Variants in WWC2 observed in about 807,000 individuals in gnomAD.
The protein encoded by WWC2 is WW and C2 domain containing 2, also known as protein WWC2.
In WWC2, 101 loss-of-function variants were observed where a neutral mutation model predicts 138.5. That is an observed-to-expected ratio of 0.73 (90% CI 0.62 to 0.86). The LOEUF (loss-of-function observed/expected upper bound fraction) is 0.86. Ranked by LOEUF, WWC2 falls within the 40% of genes least tolerant of loss-of-function variation. The probability of loss-of-function intolerance (pLI) is 0.00; values close to 1 mark genes in which losing one functional copy is unlikely to be tolerated. For synonymous variants in WWC2, 558 were observed against 538.4 expected, an observed-to-expected ratio of 1.04 and a Z score of -0.50; for missense variants, 1,420 against 1,419.4, an observed-to-expected ratio of 1.00 and a Z score of -0.01.
At chr4:183,225,694 A>C (rs1736048492) in intron 4 of WWC2, among the ~76,000 whole-genome samples, 1 of 152,244 alleles carries the variant, frequency 6.6e-6, no homozygotes, top group South Asian at 2.1e-4. Flanking sequence ...TTATTTATTT[A>C]GTGCTTCATG....
At chr4:183,185,728 A>ATG (rs1491410212) in intron 1 of WWC2, among the ~76,000 whole-genome samples, 2 of 151,936 alleles carry the variant, frequency 1.3e-5, no homozygotes, top group East Asian at 1.9e-4. Flanking sequence ...GACTGGAGAG[A>ATG]TGTGTGTGTG....
chr4:183,117,939 T>C (rs1222910217), intron 1 of WWC2, among the ~76,000 whole-genome samples: 2 of 152,116 alleles, frequency 1.3e-5, no homozygotes, highest in Non-Finnish European at 1.5e-5. Context: ...TAGCTGGGAC[T>C]ATAGGCTCGT....
chr4:183,189,946 T>C (rs1026745232), intron 1 of WWC2, among the ~76,000 whole-genome samples: 1 of 152,180 alleles, frequency 6.6e-6, no homozygotes, highest in African/African-American at 2.4e-5. Context: ...ACAATAAATA[T>C]TAAATGACTG....
At chr4:183,293,025 G>A (rs1433819757) in intron 21 of WWC2, among the ~76,000 whole-genome samples, 7 of 152,148 alleles carry the variant, frequency 4.6e-5, no homozygotes, top group Admixed American at 3.9e-4. Flanking sequence ...GCACGATCTC[G>A]GCTCACTGCA....
At chr4:183,139,496 A>G (rs1178329973) in intron 1 of WWC2, among the ~76,000 whole-genome samples, 2 of 152,178 alleles carry the variant, frequency 1.3e-5, no homozygotes, top group East Asian at 1.9e-4. Flanking sequence ...GCATTCCACC[A>G]GTAGATCAGG....
chr4:183,175,161 A>T (rs1393835197), intron 1 of WWC2, among the ~76,000 whole-genome samples: 1 of 152,192 alleles, frequency 6.6e-6, no homozygotes, highest in Non-Finnish European at 1.5e-5. Flanking sequence ...ATGGAAAATT[A>T]AAAAAATAGT....
At chr4:183,248,197 A>G (rs775845962) in intron 6 of WWC2, among the ~76,000 whole-genome samples, 1 of 152,178 alleles carries the variant, frequency 6.6e-6, no homozygotes, top group Non-Finnish European at 1.5e-5. Flanking sequence ...ACTCATTAGC[A>G]ACTTCTGAGC....
intron 16 of WWC2, among the ~76,000 whole-genome samples, chr4:183,277,774 GTCT>G (rs1369898604): frequency 1.4e-4 from 20 of 147,882 alleles, no homozygotes; most frequent in Non-Finnish European, 2.6e-4. Flanking sequence ...CTGCATAAAT[GTCT>G]TCTTTTGAGA....
chr4:183,197,162 A>T (rs1735167722), intron 2 of WWC2, among the ~76,000 whole-genome samples: 2 of 152,234 alleles, frequency 1.3e-5, no homozygotes, highest in Admixed American at 6.5e-5. Flanking sequence ...GTCAAAAAAC[A>T]CCATTTTGAA....
intron 1 of WWC2, among the ~76,000 whole-genome samples, chr4:183,132,493 G>C (rs1460362501): frequency 6.7e-6 from 1 of 148,294 alleles, no homozygotes; most frequent in African/African-American, 2.5e-5. Flanking sequence ...TCGCTCTGTC[G>C]CCCAGGCTGG....
intron 1 of WWC2, among the ~76,000 whole-genome samples, chr4:183,134,904 T>A (rs1390746801): frequency 6.6e-6 from 1 of 152,062 alleles, no homozygotes; most frequent in Non-Finnish European, 1.5e-5. Flanking sequence ...ATATTTAAAT[T>A]AAAAAAATCT....
chr4:183,284,224 A>G lies in WWC2; in HGVS notation c.2884-2A>G, dbSNP rs1471940222. On this transcript the variant is annotated splice_acceptor_variant, in intron 18 of 22. Transcript: ENST00000403733. LOFTEE classifies it high-confidence loss of function. ...CTGACAAATTGTTAACTTCTCTTATAGGTTGACAAAGAGACAAACACTGAT... is the reference window on the plus strand; with the variant it reads ...CTGACAAATTGTTAACTTCTCTTATGGGTTGACAAAGAGACAAACACTGAT... The G allele has an allele frequency of 1.2e-6, 2 of 1,613,002 alleles. No individual in the cohort carries two copies. Among genetic ancestry groups the G allele is most frequent in the Non-Finnish European group, 1.7e-6 (2 of 1,179,240 alleles).
At chr4:183,232,192 TTAG>T (rs1253718343) in intron 4 of WWC2, among the ~76,000 whole-genome samples, 1 of 152,214 alleles carries the variant, frequency 6.6e-6, no homozygotes, top group African/African-American at 2.4e-5. Context: ...TTTGTCTTTA[TTAG>T]TAGATGATTT....
intron 1 of WWC2, among the ~76,000 whole-genome samples, chr4:183,181,838 A>T (rs1052267411): frequency 6.6e-6 from 1 of 152,212 alleles, no homozygotes; most frequent in African/African-American, 2.4e-5. Flanking sequence ...ATTGGAGTAG[A>T]TGTCACTCTA....
At chr4:183,264,270 A>C (rs541187484) in intron 11 of WWC2, among the ~76,000 whole-genome samples, 1 of 152,102 alleles carries the variant, frequency 6.6e-6, no homozygotes, top group Non-Finnish European at 1.5e-5. Flanking sequence ...CCCTGCGCTC[A>C]CTCTCACTCA....
At chr4:183,193,227 T>A (rs1437984078) in intron 1 of WWC2, among the ~76,000 whole-genome samples, 3 of 152,228 alleles carry the variant, frequency 2.0e-5, no homozygotes, top group Non-Finnish European at 4.4e-5. Flanking sequence ...TCCATGCTAC[T>A]GATAGGATTT....
Position 183,320,516 on chromosome 4 carries a change from CCTTTCATTGTCAAGGTTAAAATGG to C in WWC2, c.*4795_*4818del, listed in dbSNP as rs1276920638. 5.3e-6 allele frequency: 2 copies of C among 374,742 alleles called. No individual in the cohort carries two copies. Among genetic ancestry groups the C allele is most frequent in the Non-Finnish European group, 1.0e-5 (2 of 200,528 alleles). The allele number at this position is 374,742 out of a possible 1,614,324, so 23.2% of individuals were successfully genotyped here. ...CTGAAATATAATTAAGTGATAATCT[CCTTTCATTGTCAAGGTTAAAATGG>C]CTTTCATGTTATTCCCAACCTTTCT... On this transcript the variant is annotated 3_prime_UTR_variant, in exon 23 of 23. Coordinates refer to ENST00000403733, the MANE Select transcript of WWC2 (RefSeq NM_024949.6).
At chr4:183,122,269 T>TA (rs1197376375) in intron 1 of WWC2, among the ~76,000 whole-genome samples, 1 of 152,156 alleles carries the variant, frequency 6.6e-6, no homozygotes, top group Non-Finnish European at 1.5e-5. Flanking sequence ...GTTAGTATAT[T>TA]AAAAAATAAA....
intron 1 of WWC2, among the ~76,000 whole-genome samples, chr4:183,173,986 ATG>A (rs1734374704): frequency 6.6e-6 from 1 of 152,146 alleles, no homozygotes; most frequent in African/African-American, 2.4e-5. Flanking sequence ...CCAGATGTTA[ATG>A]TCAGTAGATC....
Sources: allele counts gnomAD v4.1 joint callset (sites outside exome capture counted in the v4.1 genomes callset), GRCh38; gene constraint gnomAD v4.1.1; transcripts MANE v1.5; gene names NCBI Gene and HGNC (gene_info 2026-07-23, HGNC 2026-07-21).